CPSF6: variants seen among roughly 807,000 people sequenced by gnomAD.
CPSF6 encodes the protein cleavage and polyadenylation specificity factor subunit 6.
In CPSF6, 10 loss-of-function variants were observed where a neutral mutation model predicts 56.7. The observed-to-expected ratio is 0.18, with a 90% CI of 0.11 to 0.30. The LOEUF (loss-of-function observed/expected upper bound fraction) is 0.30, where lower values mean the gene tolerates loss of function less well. CPSF6 is among the 10% of genes least tolerant of loss of function. The pLI is 1.00. For missense variants in CPSF6, 419 were observed against 722.9 expected (o/e 0.58, Z 4.82); for synonymous variants, 248 against 244.8 (o/e 1.01, Z -0.12).
intron 1 of CPSF6, among the ~76,000 whole-genome samples, chr12:69,249,046 ACCATCCTGGCTAAC>A (rs1225812034): frequency 8.6e-5 from 13 of 151,276 alleles, no homozygotes; most frequent in African/African-American, 1.2e-4. Flanking sequence ...GGAGATCAAG[ACCATCCTGGCTAAC>A]CCATCCTGCC....
intron 3 of CPSF6, among the ~76,000 whole-genome samples, chr12:69,255,525 G>A (rs1310116192): frequency 6.6e-6 from 1 of 152,150 alleles, no homozygotes; most frequent in Non-Finnish European, 1.5e-5. Flanking sequence ...AATGGTTCCA[G>A]TTTCTCCACA....
chr12:69,266,053 T>TA lies in CPSF6; in HGVS notation c.*4-3451dup, dbSNP rs200829785. On this transcript the variant is annotated intron_variant, in intron 9 of 9. Coordinates refer to ENST00000435070, the MANE Select transcript of CPSF6 (RefSeq NM_007007.3). ...AAAAAAAAAAAAAAAGCCAAAAGAA[T>TA]AAAAAAAATTCTTACATGTTAAAGA... Among the ~76,000 whole-genome samples the TA allele has an allele frequency of 6.2e-3, 928 of 149,710 alleles. 8 individuals are homozygous for TA. The highest frequency in any genetic ancestry group is 0.022 in the African/African-American group (888 of 40,866).
chr12:69,251,681 G>A (rs551378120), intron 2 of CPSF6, among the ~76,000 whole-genome samples: 3 of 152,176 alleles, frequency 2.0e-5, no homozygotes, highest in African/African-American at 7.2e-5. Flanking sequence ...TCTCAAACCA[G>A]GATTCAAGTG....
At chr12:69,253,440 G>A (rs1872348440) in intron 3 of CPSF6, among the ~76,000 whole-genome samples, 2 of 152,120 alleles carry the variant, frequency 1.3e-5, no homozygotes. Context: ...TGAAATGACA[G>A]TTTAAGAACC....
rs1434400808 is a variant in CPSF6, at chr12:69,270,168, A to G, written c.*660A>G. On this transcript the variant is annotated 3_prime_UTR_variant, in exon 10 of 10. Coordinates refer to ENST00000435070, the MANE Select transcript of CPSF6 (RefSeq NM_007007.3). ...GATATTAGAATAGGTGATTACATGG[A>G]TATTTAATATTTCTATATTCTGCTT... The G allele has an allele frequency of 6.6e-6, 1 of 152,096 alleles. No homozygotes were observed. Among genetic ancestry groups the G allele is most frequent in the Non-Finnish European group, 1.5e-5 (1 of 67,676 alleles). The allele number at this position is 152,096 out of a possible 1,614,324, so 9.4% of individuals were successfully genotyped here. A position where few individuals can be genotyped will look rare whatever the true frequency, so the allele number is the denominator to read the frequency against.
Position 69,256,381 on chromosome 12 carries a change from G to C in CPSF6, c.375-316G>C. ...CTGAATTCTATGGTATGTTATACAA[G>C]ATGAACAAAAATGTGTACTCGTATA... On this transcript the variant is annotated intron_variant, in intron 3 of 9. Coordinates refer to ENST00000435070, the MANE Select transcript of CPSF6 (RefSeq NM_007007.3). Among the ~76,000 whole-genome samples the C allele has an allele frequency of 1.3e-5, 2 of 152,192 alleles. 1 individual carries two copies. The highest frequency in any genetic ancestry group is 2.9e-5 in the Non-Finnish European group (2 of 68,038).
At chr12:69,240,383 A>G (rs2120387327) in intron 1 of CPSF6, among the ~76,000 whole-genome samples, 1 of 152,184 alleles carries the variant, frequency 6.6e-6, no homozygotes, top group East Asian at 1.9e-4. Flanking sequence ...AAGTCCTTTG[A>G]CTTTTGGAGC....
At chr12:69,254,115 T>C (rs753083620) in intron 3 of CPSF6, among the ~76,000 whole-genome samples, 4 of 152,194 alleles carry the variant, frequency 2.6e-5, no homozygotes, top group Non-Finnish European at 4.4e-5. Flanking sequence ...ACTTAAACTT[T>C]GGCAGTAGCT....
chr12:69,247,104 G>T (rs913387315), intron 1 of CPSF6, among the ~76,000 whole-genome samples: 1 of 130,254 alleles, frequency 7.7e-6, no homozygotes, highest in South Asian at 3.0e-4. Context: ...TATTAAAATT[G>T]TAAGAGGGGT....
At position 69,258,935 on chromosome 12, in the gene CPSF6, C is replaced by T. The variant is rs1290118981; in HGVS notation, c.1040C>T (p.Pro347Leu). 6.2e-7 allele frequency: 1 copy of T among 1,614,038 alleles called. No individual in the cohort carries two copies. The highest frequency in any genetic ancestry group is 1.3e-5 in the African/African-American group (1 of 74,918). Residue 347 changes from proline (P) to leucine (L), a missense_variant, in exon 6 of 10, where the codon CCT becomes CTT. Coordinates refer to ENST00000435070, the MANE Select transcript of CPSF6 (RefSeq NM_007007.3). The surrounding 1 kb of genome is among the most constrained non-coding windows in gnomAD (Gnocchi z 4.2). ...LAPPPHLPGP[P>L]PGAPPPAPHV... ...CCTCCTCCGCATCTTCCTGGACCAC[C>T]TCCAGGTGCCCCACCGCCAGCTCCG...
At chr12:69,239,813 C>A in intron 1 of CPSF6, 107 bp downstream of exon 1, 2 of 1,035,114 alleles carry the variant, frequency 1.9e-6, no homozygotes, top group East Asian at 7.1e-5. Flanking sequence ...AGAGTGTGCG[C>A]CCTTGCCGCC....
At chr12:69,246,557 A>G (rs774869350) in intron 1 of CPSF6, among the ~76,000 whole-genome samples, 16 of 152,230 alleles carry the variant, frequency 1.1e-4, no homozygotes, top group Non-Finnish European at 2.1e-4. Context: ...AGGGATTACT[A>G]GCCAGTTTTA....
rs1873390076 is a variant in CPSF6 at position 69,274,108 on chromosome 12, A to AATT, written c.*4600_*4601insATT. ...GGTAAGGTGATAATTGATCTAATAG[A>AATT]CTTTTTTTTTTTTTTTTTTGCTGTC... On this transcript the variant is annotated 3_prime_UTR_variant, in exon 10 of 10. Transcript: ENST00000435070. 1 of 45,584 alleles carries AATT rather than the reference A, an allele frequency of 2.2e-5. No individual in the cohort carries two copies. 2.8% of individuals were successfully genotyped at this position (45,584 alleles called of 1,614,324 possible). A position where few individuals can be genotyped will look rare whatever the true frequency, so the allele number is the denominator to read the frequency against.
chr12:69,262,802 GTC>G (rs1415801153), intron 9 of CPSF6, among the ~76,000 whole-genome samples: 1 of 151,966 alleles, frequency 6.6e-6, no homozygotes, highest in African/African-American at 2.4e-5. Flanking sequence ...ATAGTTAATG[GTC>G]TTAACAAAGC....
rs559899167 is a variant in CPSF6 at position 69,270,347 on chromosome 12, G to A, written c.*839G>A. The A allele has an allele frequency of 6.6e-6, 1 of 152,106 alleles. No individual in the cohort carries two copies. Among genetic ancestry groups the A allele is most frequent in the South Asian group, 2.1e-4 (1 of 4,820 alleles). The allele number at this position is 152,106 out of a possible 1,614,324, so 9.4% of individuals were successfully genotyped here. On this transcript the variant is annotated 3_prime_UTR_variant, in exon 10 of 10. Transcript: ENST00000435070. Reference sequence around the variant, plus strand: ...CATAAGTAAAAACCCGTACATATTTGATGTGTAATGCAGGTTAATTACAAC... The same window carrying A: ...CATAAGTAAAAACCCGTACATATTTAATGTGTAATGCAGGTTAATTACAAC...
chr12:69,250,986 G>C (rs1872215931), intron 1 of CPSF6, 143 bp from the exon 2 acceptor site: 1 of 798,832 alleles, frequency 1.3e-6, no homozygotes, highest in Admixed American at 2.8e-5. Context: ...TACATCTATT[G>C]CATAAAGTGG....
At chr12:69,243,888 C>T (rs142652792) in intron 1 of CPSF6, among the ~76,000 whole-genome samples, 15 of 152,340 alleles carry the variant, frequency 9.8e-5, no homozygotes, top group East Asian at 3.9e-4. Context: ...GTCTGGAGTG[C>T]GGTGGTGCAG....
intron 1 of CPSF6, among the ~76,000 whole-genome samples, chr12:69,244,783 T>C (rs1224214022): frequency 6.6e-6 from 1 of 152,132 alleles, no homozygotes; most frequent in Non-Finnish European, 1.5e-5. Context: ...TATCACTGTC[T>C]TCCATCTCTG....
intron 9 of CPSF6, among the ~76,000 whole-genome samples, chr12:69,268,988 T>G (rs1389287158): frequency 1.3e-5 from 2 of 151,928 alleles, no homozygotes; most frequent in Non-Finnish European, 3.0e-5. Context: ...ACAAATTTTG[T>G]AACATGGAAC....
Sources: allele counts gnomAD v4.1 joint callset (sites outside exome capture counted in the v4.1 genomes callset), GRCh38; gene constraint gnomAD v4.1.1; non-coding constraint Gnocchi (gnomAD v3.1); transcripts MANE v1.5; gene names NCBI Gene and HGNC (gene_info 2026-07-23, HGNC 2026-07-21).